DTNA: variants seen among roughly 807,000 people sequenced by gnomAD.
DTNA encodes dystrobrevin alpha.
Under a neutral mutation model 100.7 loss-of-function variants are expected in DTNA, and 43 were observed. The ratio of observed to expected loss-of-function variants is 0.43; its 90% CI spans 0.33 to 0.55. The LOEUF (loss-of-function observed/expected upper bound fraction) is 0.55, where lower values mean the gene tolerates loss of function less well. DTNA is among the 20% of genes least tolerant of loss of function. DTNA has a pLI of 0.04. For synonymous variants in DTNA, 349 were observed against 347.9 expected (o/e 1.00, Z -0.04); for missense variants, 798 against 953.9 (o/e 0.84, Z 2.15).
intron 1 of DTNA, among the ~76,000 whole-genome samples, chr18:34,519,856 A>G (rs1401976247): frequency 6.6e-6 from 1 of 152,182 alleles, no homozygotes; most frequent in East Asian, 1.9e-4. Flanking sequence ...GAAGGTAAAG[A>G]AAGTTTTCTC....
At chr18:34,867,797 G>A (rs966142293) in intron 17 of DTNA, 19 of 985,266 alleles carry the variant, frequency 1.9e-5, no homozygotes, top group Admixed American at 6.2e-5. Flanking sequence ...CCAAGGTGGC[G>A]CCACTGCCCC....
chr18:34,842,963 TCCAACTTGTTCA>T (rs1055298553), intron 13 of DTNA, among the ~76,000 whole-genome samples: 11 of 152,080 alleles, frequency 7.2e-5, no homozygotes, highest in Middle Eastern at 3.2e-3. Context: ...AGGGACCCTC[TCCAACTTGTTCA>T]CCACCTTATC....
At chr18:34,793,228 G>A (rs2094826201) in intron 3 of DTNA, among the ~76,000 whole-genome samples, 2 of 151,838 alleles carry the variant, frequency 1.3e-5, no homozygotes, top group East Asian at 1.9e-4. Flanking sequence ...AAACTTTTGA[G>A]GGTGAGGACG....
In DTNA at chr18:34,850,694, G is replaced by T. The variant is rs139251486; in HGVS notation, c.1435-1137G>T. ...TGTTTTTAAAACAATAAAAATTGGT[G>T]TGGAGGAATTTCTAAAATGTACTGT... On this transcript the variant is annotated intron_variant, in intron 14 of 22. Transcript: ENST00000444659. Among the ~76,000 whole-genome samples, 72 of 152,308 alleles carry T rather than the reference G, an allele frequency of 4.7e-4. No individual in the cohort carries two copies. In the East Asian group the frequency reaches 0.013, roughly 27 times the overall value.
intron 1 of DTNA, among the ~76,000 whole-genome samples, chr18:34,618,342 T>C (rs1266559584): frequency 6.6e-6 from 1 of 152,190 alleles, no homozygotes; most frequent in African/African-American, 2.4e-5. Flanking sequence ...ATTTTGATGA[T>C]GAAAATCCAG....
At chr18:34,750,891 A>G (rs2148053299) in intron 1 of DTNA, among the ~76,000 whole-genome samples, 1 of 152,340 alleles carries the variant, frequency 6.6e-6, no homozygotes, top group East Asian at 1.9e-4. Flanking sequence ...TTCAATGTGA[A>G]TTCATTTCAC....
chr18:34,814,925 A>C (rs2095563049), intron 6 of DTNA, among the ~76,000 whole-genome samples: 1 of 152,144 alleles, frequency 6.6e-6, no homozygotes, highest in South Asian at 2.1e-4. Flanking sequence ...GATCATTTCA[A>C]ATATGAAAAG....
At chr18:34,606,249 C>T (rs1366603999) in intron 1 of DTNA, among the ~76,000 whole-genome samples, 1 of 152,066 alleles carries the variant, frequency 6.6e-6, no homozygotes, top group African/African-American at 2.4e-5. Flanking sequence ...GCTGCAACTT[C>T]AGTATAGCAA....
At chr18:34,564,748 T>A (rs957541771) in intron 1 of DTNA, among the ~76,000 whole-genome samples, 2 of 152,198 alleles carry the variant, frequency 1.3e-5, no homozygotes, top group African/African-American at 4.8e-5. Context: ...TGCAAATAAG[T>A]AATACTATTA....
intron 1 of DTNA, among the ~76,000 whole-genome samples, chr18:34,552,364 A>AT (rs1216396539): frequency 2.0e-5 from 3 of 150,362 alleles, no homozygotes; most frequent in Admixed American, 6.7e-5. Flanking sequence ...TGGTTTGCTT[A>AT]TTTTTTTTTA....
intron 1 of DTNA, among the ~76,000 whole-genome samples, chr18:34,558,715 G>T (rs1313868005): frequency 6.6e-6 from 1 of 152,122 alleles, no homozygotes; most frequent in Non-Finnish European, 1.5e-5. Context: ...TGGTATTTGA[G>T]CAGGGATCTT....
intron 1 of DTNA, among the ~76,000 whole-genome samples, chr18:34,741,213 C>T (rs1555750834): frequency 6.6e-6 from 1 of 151,966 alleles, no homozygotes; most frequent in Non-Finnish European, 1.5e-5. Context: ...TCATAAAGTT[C>T]CCAGGAGCAG....
rs117091106 is a variant in DTNA at position 34,782,863 on chromosome 18, G to T, written c.149-11174G>T. On this transcript the variant is annotated intron_variant, in intron 3 of 22. Coordinates refer to ENST00000444659, the MANE Select transcript of DTNA (RefSeq NM_001386795.1). ...AGCAGAACCTTATAATATTTCTTAG[G>T]ATAGACAGAAAGAGACAGAAAGTGG... is the stretch of plus-strand genomic sequence containing the variant. 1.8e-3 allele frequency among the ~76,000 whole-genome samples: 278 copies of T among 152,250 alleles called. 7 individuals carry two copies. The East Asian group carries it at 0.038, about 21-fold the overall frequency.
At chr18:34,654,329 G>A (rs1177689668) in intron 1 of DTNA, among the ~76,000 whole-genome samples, 3 of 152,198 alleles carry the variant, frequency 2.0e-5, no homozygotes, top group Non-Finnish European at 4.4e-5. Context: ...TCCTCGAGCA[G>A]TTACCAGTTA....
intron 1 of DTNA, among the ~76,000 whole-genome samples, chr18:34,668,341 G>A (rs546920471): frequency 8.6e-5 from 13 of 151,998 alleles, no homozygotes; most frequent in East Asian, 5.8e-4. Context: ...TCTTGCTAGC[G>A]GTCTATCAAT....
chr18:34,588,663 A>G (rs761112494), intron 1 of DTNA, among the ~76,000 whole-genome samples: 1 of 133,256 alleles, frequency 7.5e-6, no homozygotes, highest in Non-Finnish European at 1.6e-5. Flanking sequence ...GAAATGCTGC[A>G]ATTATTCCTA....
intron 6 of DTNA, chr18:34,815,507 T>C (rs1468807246): frequency 4.4e-6 from 1 of 225,046 alleles, no homozygotes; most frequent in African/African-American, 2.3e-5. Flanking sequence ...GAAGTTGTTC[T>C]ATAAATTTAG....
intron 15 of DTNA, 60 bp downstream of exon 15, chr18:34,851,988 T>C: frequency 6.4e-7 from 1 of 1,555,480 alleles, no homozygotes; most frequent in South Asian, 1.1e-5. Flanking sequence ...TAATAAACTA[T>C]GGTCGTGCTT....
At chr18:34,553,544 A>G (rs927886671) in intron 1 of DTNA, among the ~76,000 whole-genome samples, 18 of 152,090 alleles carry the variant, frequency 1.2e-4, no homozygotes, top group Admixed American at 3.3e-4. Context: ...TCCATCTTGA[A>G]TTGATTTTTG....
Sources: gnomAD v4.1 joint callset for allele counts (sites outside exome capture counted in the v4.1 genomes callset) on GRCh38, gnomAD v4.1.1 for gene constraint, MANE v1.5 for transcripts, NCBI Gene and HGNC (gene_info 2026-07-23, HGNC 2026-07-21) for gene names.